The following CCDC85A variants were observed in gnomAD, a reference collection of about 807,000 sequenced individuals.
CCDC85A encodes the protein coiled-coil domain-containing protein 85A.
Under a neutral mutation model 50.2 loss-of-function variants are expected in CCDC85A, and 38 were observed. The observed-to-expected ratio is 0.76, with a 90% CI of 0.58 to 0.99. The LOEUF (loss-of-function observed/expected upper bound fraction) is 0.99. CCDC85A is among the 50% of genes least tolerant of loss of function. The pLI, the probability that CCDC85A is intolerant of heterozygous loss-of-function variation, is 0.00. For synonymous variants in CCDC85A, 366 were observed against 301.4 expected, an observed-to-expected ratio of 1.21 and a Z score of -2.22; for missense variants, 820 against 742.0, an observed-to-expected ratio of 1.11 and a Z score of -1.22.
At chr2:56,308,643 T>C (rs1263047583) in intron 2 of CCDC85A, among the ~76,000 whole-genome samples, 1 of 152,212 alleles carries the variant, frequency 6.6e-6, no homozygotes, top group Non-Finnish European at 1.5e-5. Context: ...TTCTACTTGA[T>C]ACTGACATTC....
chr2:56,231,905 C>T (rs1668789612), intron 2 of CCDC85A, among the ~76,000 whole-genome samples: 1 of 152,050 alleles, frequency 6.6e-6, no homozygotes, highest in African/African-American at 2.4e-5. Flanking sequence ...TCCTATTCAA[C>T]CACCCACAGC....
At chr2:56,244,141 T>C (rs115901626) in intron 2 of CCDC85A, among the ~76,000 whole-genome samples, 262 of 152,302 alleles carry the variant, frequency 1.7e-3, no homozygotes, top group African/African-American at 6.3e-3. Flanking sequence ...GCTACTCTTG[T>C]GTCTTTCCCT....
chr2:56,224,315 G>T (rs1668453061), intron 2 of CCDC85A, among the ~76,000 whole-genome samples: 1 of 152,048 alleles, frequency 6.6e-6, no homozygotes, highest in African/African-American at 2.4e-5. Context: ...TTTCACTGGG[G>T]ACTAATATAT....
At chr2:56,219,660 A>G (rs530972057) in intron 2 of CCDC85A, among the ~76,000 whole-genome samples, 17 of 151,920 alleles carry the variant, frequency 1.1e-4, no homozygotes, top group African/African-American at 4.1e-4. Flanking sequence ...TTAGAGATCT[A>G]TGTGTATAAT....
intron 2 of CCDC85A, among the ~76,000 whole-genome samples, chr2:56,311,891 GC>G (rs1338987804): frequency 6.6e-6 from 1 of 152,004 alleles, no homozygotes; most frequent in African/African-American, 2.4e-5. Context: ...TTACATCCCA[GC>G]ACAAACCTCC....
At chr2:56,383,385 A>T (rs541378338) in intron 5 of CCDC85A, among the ~76,000 whole-genome samples, 35 of 152,090 alleles carry the variant, frequency 2.3e-4, no homozygotes, top group African/African-American at 8.2e-4. Context: ...TATGGCTGTT[A>T]TTGTGCATGT....
chr2:56,382,759 C>T (rs1676650843), intron 5 of CCDC85A, among the ~76,000 whole-genome samples: 1 of 152,046 alleles, frequency 6.6e-6, no homozygotes, highest in African/African-American at 2.4e-5. Flanking sequence ...TTGTGTTCCA[C>T]ATTTCAATAT....
intron 2 of CCDC85A, among the ~76,000 whole-genome samples, chr2:56,260,955 C>T (rs1012828966): frequency 6.6e-6 from 1 of 152,172 alleles, no homozygotes; most frequent in Non-Finnish European, 1.5e-5. Context: ...TTTCAAAATA[C>T]ACATTGGCAT....
At chr2:56,380,295 A>G (rs1221341232) in intron 5 of CCDC85A, among the ~76,000 whole-genome samples, 3 of 152,168 alleles carry the variant, frequency 2.0e-5, no homozygotes, top group Non-Finnish European at 2.9e-5. Context: ...TTAGTTCTTC[A>G]TATGTCATAT....
chr2:56,241,987 C>T (rs1311393442), intron 2 of CCDC85A, among the ~76,000 whole-genome samples: 1 of 152,076 alleles, frequency 6.6e-6, no homozygotes, highest in Non-Finnish European at 1.5e-5. Flanking sequence ...ACTTGCCAGC[C>T]TTTGTTATTG....
chr2:56,361,259 G>GA (rs5831407), intron 3 of CCDC85A, among the ~76,000 whole-genome samples: 78,474 of 147,098 alleles, frequency 0.53, 21,195 homozygotes, highest in East Asian at 0.79. Flanking sequence ...GTCTCAAAAA[G>GA]AAAAAAAAAA....
In CCDC85A at chr2:56,384,540, C is replaced by G. The variant is rs898179762; in HGVS notation, c.*185C>G. The G allele has an allele frequency of 5.3e-5, 29 of 550,910 alleles. No individual in the cohort carries two copies. The Admixed American group carries it at 8.4e-4, about 16-fold the overall frequency. The allele number at this position is 550,910 out of a possible 1,614,324, so 34.1% of individuals were successfully genotyped here. A position where few individuals can be genotyped will look rare whatever the true frequency, so the allele number is the denominator to read the frequency against. ...CTCCCCTCAAGCTGATATTCTGTGT[C>G]TCTCACCTCAATGTCCACAACAGTC... On this transcript the variant is annotated 3_prime_UTR_variant, in exon 6 of 6. Transcript: ENST00000407595.
At position 56,384,583 on chromosome 2, in the gene CCDC85A, C is replaced by T. The variant is rs1676746443; in HGVS notation, c.*228C>T. 1 of 454,550 alleles carries T rather than the reference C, an allele frequency of 2.2e-6. No homozygotes were observed. The highest frequency in any genetic ancestry group is 4.0e-6 in the Non-Finnish European group (1 of 250,342). 28.2% of individuals were successfully genotyped at this position (454,550 alleles called of 1,614,324 possible). On this transcript the variant is annotated 3_prime_UTR_variant, in exon 6 of 6. Transcript: ENST00000407595. ...CAACAGTCAATCTCAAACAAGGTAG[C>T]TTTGAACATCTCAAACAGAGTAGCT... is the stretch of plus-strand genomic sequence containing the variant.
intron 2 of CCDC85A, among the ~76,000 whole-genome samples, chr2:56,325,362 T>G (rs1264463036): frequency 6.6e-6 from 1 of 152,088 alleles, no homozygotes; most frequent in Non-Finnish European, 1.5e-5. Context: ...AGCATAAATA[T>G]TGATATATAT....
At chr2:56,275,369 A>G (rs775284177) in intron 2 of CCDC85A, among the ~76,000 whole-genome samples, 4 of 152,222 alleles carry the variant, frequency 2.6e-5, no homozygotes, top group African/African-American at 4.8e-5. Flanking sequence ...ACAGTAGCTC[A>G]GTATAGCTAG....
intron 5 of CCDC85A, among the ~76,000 whole-genome samples, chr2:56,378,398 G>A (rs969657104): frequency 1.3e-5 from 2 of 152,150 alleles, no homozygotes; most frequent in Non-Finnish European, 2.9e-5. Context: ...ATTAATTGGA[G>A]CTTTACTTCA....
rs1365745839 is a variant in CCDC85A, at chr2:56,281,867, C to G, written c.1241-61012C>G. 1.3e-5 allele frequency among the ~76,000 whole-genome samples: 2 copies of G among 152,044 alleles called. 1 individual carries two copies. The highest frequency in any genetic ancestry group is 4.8e-5 in the African/African-American group (2 of 41,404). ...ATAATAGTGAATAAGAATGTTTTCT[C>G]TCAATCTGTAGCTTGACCTGTCATT... On this transcript the variant is annotated intron_variant, in intron 2 of 5. Coordinates refer to ENST00000407595, the MANE Select transcript of CCDC85A (RefSeq NM_001080433.2).
chr2:56,192,453 G>A lies in CCDC85A; in HGVS notation c.277-24G>A, dbSNP rs776159034. The A allele has an allele frequency of 5.7e-6, 9 of 1,585,024 alleles. No individual in the cohort carries two copies. The highest frequency in any genetic ancestry group is 7.7e-6 in the Non-Finnish European group (9 of 1,165,760). ...GACACCTCAGATGTGTACTTCCCTTGAATGGTTGTGTCTCTCTTTTCAGGA... is the reference window on the plus strand; with the variant it reads ...GACACCTCAGATGTGTACTTCCCTTAAATGGTTGTGTCTCTCTTTTCAGGA... On this transcript the variant is annotated intron_variant, in intron 1 of 5. Transcript: ENST00000407595. This position sits in a 1 kb window ranked among gnomAD's most constrained non-coding sequence, Gnocchi z 4.7.
intron 2 of CCDC85A, among the ~76,000 whole-genome samples, chr2:56,304,210 A>T (rs1672329636): frequency 6.6e-6 from 1 of 152,158 alleles, no homozygotes; most frequent in Admixed American, 6.6e-5. Context: ...CATAAAGCTG[A>T]CCTTTGACTG....
Sources: gnomAD v4.1 joint callset for allele counts (sites outside exome capture counted in the v4.1 genomes callset) on GRCh38, gnomAD v4.1.1 for gene constraint, Gnocchi (gnomAD v3.1) non-coding constraint, MANE v1.5 for transcripts, NCBI Gene and HGNC (gene_info 2026-07-23, HGNC 2026-07-21) for gene names.